Variants in OLA1 observed in about 807,000 individuals in gnomAD.
OLA1 encodes the protein obg-like ATPase 1.
A neutral mutation model predicts 48.4 loss-of-function variants in OLA1; 14 were observed. The ratio of observed to expected loss-of-function variants is 0.29; its 90% CI spans 0.19 to 0.45. OLA1 has a LOEUF of 0.45. Ranked by LOEUF, OLA1 falls within the 20% of genes least tolerant of loss-of-function variation. The probability of loss-of-function intolerance (pLI) is 1.00; values close to 1 mark genes in which losing one functional copy is unlikely to be tolerated. For synonymous variants in OLA1, 127 were observed against 150.4 expected, an observed-to-expected ratio of 0.84 and a Z score of 1.14; for missense variants, 325 against 467.1, an observed-to-expected ratio of 0.70 and a Z score of 2.80.
In OLA1 at chr2:174,103,531, C is replaced by CTG. The variant is rs1375316570; in HGVS notation, c.728+19647_728+19648dup. Among the ~76,000 whole-genome samples the CTG allele has an allele frequency of 6.6e-5, 10 of 152,276 alleles. No homozygotes were observed. In the East Asian group the frequency reaches 1.9e-3, roughly 29 times the overall value. ...ACCCTGGCATACACAGCCTATCCAC[C>CTG]TGTGCTCTAAACTGTAGATGTATCT... On this transcript the variant is annotated intron_variant, in intron 7 of 10. Transcript: ENST00000284719.
At chr2:174,087,904 T>C (rs892495966) in intron 7 of OLA1, among the ~76,000 whole-genome samples, 8 of 152,210 alleles carry the variant, frequency 5.3e-5, no homozygotes, top group African/African-American at 1.9e-4. Flanking sequence ...TAGGACATTC[T>C]CAAATCTGAT....
intron 4 of OLA1, 82 bp from the exon 5 acceptor site, chr2:174,142,082 GT>G: frequency 8.3e-7 from 1 of 1,198,596 alleles, no homozygotes; most frequent in South Asian, 1.4e-5. Context: ...TTCCTAGAAG[GT>G]TAACAAATAA....
intron 2 of OLA1, among the ~76,000 whole-genome samples, chr2:174,232,085 G>A (rs891476154): frequency 3.9e-5 from 6 of 152,084 alleles, no homozygotes; most frequent in Non-Finnish European, 7.4e-5. Context: ...ACTTATTTCA[G>A]CAATGATAGA....
In OLA1 at chr2:174,246,807, A is replaced by G. The variant is rs547476198; in HGVS notation, c.9T>C (p.Pro3=). The change falls in exon 2 of 11, where the codon CCT becomes CCC. Residue 3 remains proline (P), a synonymous_variant. Coordinates refer to ENST00000284719, the MANE Select transcript of OLA1 (RefSeq NM_013341.5). ...GTTTAATTCCATCACCTCCCTTTTT[A>G]GGGGGCATCTGAAATACCAAAGCAA... MP[P]KKGGDGIKPP... is the part of the protein sequence containing the mutation. The G allele has an allele frequency of 2.5e-6, 4 of 1,609,236 alleles. No individual in the cohort carries two copies. The East Asian group carries it at 8.9e-5, about 36-fold the overall frequency.
In OLA1 at chr2:174,200,449, G is replaced by C. The variant is rs76580470; in HGVS notation, c.373+22584C>G. ...AGAAACCAAGGCTCCTTGGACACTTGGCTATTTCCAGAACTGGGGAGGATA... is the reference window on the plus strand; with the variant it reads ...AGAAACCAAGGCTCCTTGGACACTTCGCTATTTCCAGAACTGGGGAGGATA... On this transcript the variant is annotated intron_variant, in intron 4 of 10. Coordinates refer to ENST00000284719, the MANE Select transcript of OLA1 (RefSeq NM_013341.5). Among the ~76,000 whole-genome samples the C allele has an allele frequency of 3.6e-3, 554 of 152,150 alleles. 4 individuals are homozygous for C. Among genetic ancestry groups the C allele is most frequent in the African/African-American group, 0.013 (535 of 41,474 alleles).
At chr2:174,142,126 A>G in intron 4 of OLA1, 126 bp from the exon 5 acceptor site, 1 of 839,604 alleles carries the variant, frequency 1.2e-6, no homozygotes, top group South Asian at 1.8e-5. Context: ...GCTTCTTGGC[A>G]AGTAGGATAT....
In OLA1 at chr2:174,146,456, C is replaced by T. The variant is rs184906838; in HGVS notation, c.374-4456G>A. 3.9e-5 allele frequency among the ~76,000 whole-genome samples: 6 copies of T among 152,046 alleles called. No homozygotes were observed. The South Asian group carries it at 1.2e-3, about 32-fold the overall frequency. ...TCAAGACTGTGGAGAACAAGAGGAG[C>T]GTTTGTACTAGGACTATATTTTAGA... On this transcript the variant is annotated intron_variant, in intron 4 of 10. Transcript: ENST00000284719.
intron 5 of OLA1, among the ~76,000 whole-genome samples, chr2:174,124,097 C>T (rs1195770371): frequency 2.0e-5 from 3 of 152,098 alleles, no homozygotes; most frequent in Non-Finnish European, 1.5e-5. Flanking sequence ...CAAAATTGAG[C>T]CTATTATCGA....
At position 174,123,611 on chromosome 2, in the gene OLA1, T is replaced by A. The variant is rs768692285; in HGVS notation, c.614A>T (p.Asp205Val). The change falls in exon 6 of 11, where the codon GAT becomes GTT. Residue 205 changes from aspartate (D) to valine (V), a missense_variant. By Grantham distance (152) the Asp-to-Val change is radical. Coordinates refer to ENST00000284719, the MANE Select transcript of OLA1 (RefSeq NM_013341.5). ...DQKKPVRFYH[D>V]WNDKEIEVLN... ...ACAACTTACCTCTTTGTCATTCCAA[T>A]CATGATAGAAGCGAACAGGTTTCTT... The A allele has an allele frequency of 1.9e-6, 3 of 1,593,414 alleles. No homozygotes were observed. The highest frequency in any genetic ancestry group is 1.8e-5 in the Admixed American group (1 of 55,728).
At chr2:174,131,242 T>G (rs1288681923) in intron 5 of OLA1, among the ~76,000 whole-genome samples, 3 of 152,170 alleles carry the variant, frequency 2.0e-5, no homozygotes, top group Admixed American at 2.0e-4. Flanking sequence ...GCGTCTGGCT[T>G]CTTCTGCTCA....
chr2:174,119,625 T>A (rs1320381925), intron 7 of OLA1, among the ~76,000 whole-genome samples: 1 of 152,066 alleles, frequency 6.6e-6, no homozygotes, highest in African/African-American at 2.4e-5. Context: ...AAGCACATAA[T>A]GTGTAGTATC....
intron 3 of OLA1, 84 bp downstream of exon 3, chr2:174,229,224 A>C: frequency 7.3e-7 from 1 of 1,368,864 alleles, no homozygotes. Flanking sequence ...CATTAATTTT[A>C]AAAGAAAAAC....
At chr2:174,096,700 C>G (rs1331001589) in intron 7 of OLA1, among the ~76,000 whole-genome samples, 1 of 152,180 alleles carries the variant, frequency 6.6e-6, no homozygotes, top group Non-Finnish European at 1.5e-5. Flanking sequence ...CCTACCCTCA[C>G]AGGTGGATGT....
chr2:174,139,049 T>C (rs573116161), intron 5 of OLA1, among the ~76,000 whole-genome samples: 1 of 152,350 alleles, frequency 6.6e-6, no homozygotes, highest in African/African-American at 2.4e-5. Context: ...GGGATGTACA[T>C]ACACTTAAAT....
intron 7 of OLA1, among the ~76,000 whole-genome samples, chr2:174,116,552 T>C (rs1685788002): frequency 6.6e-6 from 1 of 152,118 alleles, no homozygotes; most frequent in Non-Finnish European, 1.5e-5. Flanking sequence ...GGCCCTGAGA[T>C]ATGGAAGAGG....
chr2:174,077,086 G>GA (rs566993457), intron 10 of OLA1, among the ~76,000 whole-genome samples: 16 of 148,914 alleles, frequency 1.1e-4, no homozygotes, highest in East Asian at 2.0e-4. Flanking sequence ...AACACTGGTT[G>GA]AAAAAAAAAA....
chr2:174,235,049 C>T (rs1047626628), intron 2 of OLA1, among the ~76,000 whole-genome samples: 1 of 152,160 alleles, frequency 6.6e-6, no homozygotes, highest in East Asian at 1.9e-4. Context: ...ATCGCAGCTA[C>T]GTGGGAGGCT....
intron 4 of OLA1, among the ~76,000 whole-genome samples, chr2:174,154,522 C>T (rs1001188802): frequency 4.7e-5 from 6 of 127,748 alleles, no homozygotes; most frequent in African/African-American, 1.1e-4. Context: ...AAATTACATC[C>T]GTCCTTAAAA....
intron 2 of OLA1, among the ~76,000 whole-genome samples, chr2:174,240,972 C>T (rs979408865): frequency 2.0e-5 from 3 of 152,124 alleles, no homozygotes; most frequent in African/African-American, 7.2e-5. Flanking sequence ...GTCTATTTCC[C>T]CTCTCCCCAT....
Sources: allele counts gnomAD v4.1 joint callset (sites outside exome capture counted in the v4.1 genomes callset), GRCh38; gene constraint gnomAD v4.1.1; transcripts MANE v1.5; gene names NCBI Gene and HGNC (gene_info 2026-07-23, HGNC 2026-07-21).